MACROD2: variants seen among roughly 807,000 people sequenced by gnomAD.
MACROD2 encodes mono-ADP ribosylhydrolase 2.
MACROD2 carries 36 observed loss-of-function variants against 70.4 expected under a neutral mutation model. That is an observed-to-expected ratio of 0.51 (90% CI 0.39 to 0.68). The LOEUF (loss-of-function observed/expected upper bound fraction) is 0.68, where lower values mean the gene tolerates loss of function less well. Ranked by LOEUF, MACROD2 falls within the 30% of genes least tolerant of loss-of-function variation. The probability of loss-of-function intolerance (pLI) is 0.00; values close to 1 mark genes in which losing one functional copy is unlikely to be tolerated. For synonymous variants in MACROD2, 172 were observed against 178.8 expected (o/e 0.96, Z 0.30); for missense variants, 496 against 538.4 (o/e 0.92, Z 0.78).
intron 3 of MACROD2, among the ~76,000 whole-genome samples, chr20:14,230,676 T>C (rs1056056553): frequency 0.51 from 46,893 of 92,426 alleles, 14,420 homozygotes; most frequent in Non-Finnish European, 0.57. Context: ...GGCCTATATA[T>C]ATATATATAT....
At chr20:14,437,359 C>G (rs1319109313) in intron 3 of MACROD2, among the ~76,000 whole-genome samples, 1 of 152,060 alleles carries the variant, frequency 6.6e-6, no homozygotes, top group Non-Finnish European at 1.5e-5. Context: ...CTTTGAGAAG[C>G]TGAGGCAGGT....
chr20:14,629,953 G>T (rs2423836), intron 4 of MACROD2, among the ~76,000 whole-genome samples: 110,827 of 150,278 alleles, frequency 0.74, 40,875 homozygotes, highest in Non-Finnish European at 0.77. Context: ...ATGTGCTAAG[G>T]TCTATCTATC....
At chr20:15,449,517 C>A (rs2046612814) in intron 7 of MACROD2, among the ~76,000 whole-genome samples, 1 of 152,110 alleles carries the variant, frequency 6.6e-6, no homozygotes, top group Non-Finnish European at 1.5e-5. Flanking sequence ...TAAGAGGCAG[C>A]CACTGTTGAG....
At chr20:14,847,155 G>C (rs893500426) in intron 5 of MACROD2, among the ~76,000 whole-genome samples, 1 of 152,076 alleles carries the variant, frequency 6.6e-6, no homozygotes, top group Non-Finnish European at 1.5e-5. Flanking sequence ...AACTACTTCT[G>C]TAACATTAAT....
At position 15,269,308 on chromosome 20, in the gene MACROD2, C is replaced by A. The variant is rs536601750; in HGVS notation, c.540+39247C>A. Among the ~76,000 whole-genome samples, 78 of 152,312 alleles carry A rather than the reference C, an allele frequency of 5.1e-4. 2 individuals are homozygous for A. The South Asian group carries it at 0.016, about 31-fold the overall frequency. On this transcript the variant is annotated intron_variant, in intron 6 of 17. Transcript: ENST00000684519. The stretch of plus-strand genomic sequence containing the variant: ...CGTGGCTTGGATGAGGTTTCTCTTC[C>A]CGAACTTGAGCAAGGTTTTCCCTTA...
intron 5 of MACROD2, among the ~76,000 whole-genome samples, chr20:15,157,073 G>A (rs1473925919): frequency 6.6e-6 from 1 of 152,124 alleles, no homozygotes; most frequent in East Asian, 1.9e-4. Context: ...TGAAAAAGTT[G>A]ACTTAGTCAG....
intron 5 of MACROD2, among the ~76,000 whole-genome samples, chr20:14,729,613 G>A (rs370536508): frequency 1.3e-5 from 2 of 151,906 alleles, no homozygotes; most frequent in African/African-American, 4.8e-5. Context: ...ATGGATTGGC[G>A]GCACACATTC....
chr20:14,343,967 A>G (rs1601511961), intron 3 of MACROD2, among the ~76,000 whole-genome samples: 1 of 152,304 alleles, frequency 6.6e-6, no homozygotes, highest in East Asian at 1.9e-4. Context: ...CTAATTTTAG[A>G]CACACAAATA....
At chr20:14,119,302 G>A (rs998971824) in intron 3 of MACROD2, among the ~76,000 whole-genome samples, 1 of 150,968 alleles carries the variant, frequency 6.6e-6, no homozygotes, top group South Asian at 2.1e-4. Context: ...CAAGTAGCTG[G>A]GATTACCGGC....
chr20:15,986,947 A>T, intron 14 of MACROD2, 119 bp from the exon 15 acceptor site: 1 of 1,054,168 alleles, frequency 9.5e-7, no homozygotes, highest in Non-Finnish European at 1.4e-6. Flanking sequence ...AACTTGGTGT[A>T]CCTATTGAAA....
chr20:15,412,103 G>C (rs890617641), intron 6 of MACROD2, among the ~76,000 whole-genome samples: 1 of 152,074 alleles, frequency 6.6e-6, no homozygotes, highest in Non-Finnish European at 1.5e-5. Context: ...TTGCTAAATG[G>C]ATCAAAATTA....
At chr20:15,641,903 T>A (rs2049465483) in intron 8 of MACROD2, among the ~76,000 whole-genome samples, 1 of 152,184 alleles carries the variant, frequency 6.6e-6, no homozygotes, top group Admixed American at 6.5e-5. Context: ...AAAAAATCAG[T>A]GTGAACCATG....
intron 4 of MACROD2, among the ~76,000 whole-genome samples, chr20:14,643,602 A>T (rs1231473607): frequency 6.6e-6 from 1 of 152,214 alleles, no homozygotes; most frequent in Non-Finnish European, 1.5e-5. Flanking sequence ...TTTGTGTCAT[A>T]CCATTCATAA....
chr20:14,431,561 T>A (rs943028569), intron 3 of MACROD2, among the ~76,000 whole-genome samples: 1 of 152,154 alleles, frequency 6.6e-6, no homozygotes, highest in South Asian at 2.1e-4. Flanking sequence ...AGAAAGAAAT[T>A]CAGCTGTCAA....
chr20:14,302,786 G>A (rs1264228648), intron 3 of MACROD2, among the ~76,000 whole-genome samples: 2 of 151,808 alleles, frequency 1.3e-5, no homozygotes, highest in African/African-American at 2.4e-5. Flanking sequence ...TTGAGTAGCT[G>A]GGATTACAGG....
intron 8 of MACROD2, among the ~76,000 whole-genome samples, chr20:15,671,974 A>C (rs1250800316): frequency 6.6e-6 from 1 of 152,236 alleles, no homozygotes; most frequent in Non-Finnish European, 1.5e-5. Context: ...TAAAGAAATC[A>C]TTCCTGCAGA....
intron 3 of MACROD2, among the ~76,000 whole-genome samples, chr20:14,119,552 T>C (rs1043319581): frequency 5.9e-5 from 9 of 151,968 alleles, no homozygotes; most frequent in Admixed American, 5.2e-4. Context: ...GGATTGACAC[T>C]AAAAAAAATC....
intron 5 of MACROD2, among the ~76,000 whole-genome samples, chr20:14,749,785 A>G (rs2071846119): frequency 6.6e-6 from 1 of 152,172 alleles, no homozygotes; most frequent in Non-Finnish European, 1.5e-5. Context: ...GTGATGAGGC[A>G]TAAACATGAA....
chr20:15,133,960 T>C (rs2076126025), intron 5 of MACROD2, among the ~76,000 whole-genome samples: 1 of 145,588 alleles, frequency 6.9e-6, no homozygotes. Context: ...GAGGCTGGAG[T>C]GCAGTGGTGC....
Sources: gnomAD v4.1 joint callset for allele counts (sites outside exome capture counted in the v4.1 genomes callset) on GRCh38, gnomAD v4.1.1 for gene constraint, MANE v1.5 for transcripts, NCBI Gene and HGNC (gene_info 2026-07-23, HGNC 2026-07-21) for gene names.